Variants in ST6GALNAC5 observed in about 807,000 individuals in gnomAD.
ST6GALNAC5 encodes alpha-N-acetylgalactosaminide alpha-2,6-sialyltransferase 5.
ST6GALNAC5 carries 27 observed loss-of-function variants against 33.6 expected under a neutral mutation model. The observed-to-expected ratio is 0.80, with a 90% CI of 0.59 to 1.11. The LOEUF is 1.11. Ranked by LOEUF, ST6GALNAC5 falls within the 50% of genes least tolerant of loss-of-function variation. The pLI is 0.00. For missense variants in ST6GALNAC5, 428 were observed against 454.0 expected, an observed-to-expected ratio of 0.94 and a Z score of 0.52; for synonymous variants, 194 against 171.2, an observed-to-expected ratio of 1.13 and a Z score of -1.04.
At chr1:77,017,995 T>C (rs953376070) in intron 2 of ST6GALNAC5, among the ~76,000 whole-genome samples, 1 of 152,180 alleles carries the variant, frequency 6.6e-6, no homozygotes, top group South Asian at 2.1e-4. Flanking sequence ...GGCTCTCTTC[T>C]AACCTTAACC....
intron 2 of ST6GALNAC5, among the ~76,000 whole-genome samples, chr1:77,006,477 C>T (rs12132112): frequency 0.036 from 5,476 of 151,806 alleles, 128 homozygotes; most frequent in Non-Finnish European, 0.055. Context: ...CCACGCCTGG[C>T]TAATTTTTGT....
intron 2 of ST6GALNAC5, among the ~76,000 whole-genome samples, chr1:76,915,393 C>T (rs1170838084): frequency 4.6e-5 from 7 of 152,026 alleles, no homozygotes; most frequent in African/African-American, 9.7e-5. Context: ...CACATGCACA[C>T]GTATGTTTAT....
chr1:76,929,560 A>T (rs1471993020), intron 2 of ST6GALNAC5, among the ~76,000 whole-genome samples: 2 of 152,068 alleles, frequency 1.3e-5, no homozygotes, highest in Non-Finnish European at 2.9e-5. Context: ...AAAAAACTGC[A>T]TCTGGAGCTT....
chr1:77,015,050 A>AACACACAC lies in ST6GALNAC5; in HGVS notation c.262-29124_262-29117dup, dbSNP rs5775372. Among the ~76,000 whole-genome samples the AACACACAC allele has an allele frequency of 5.1e-3, 619 of 122,538 alleles. 4 individuals carry two copies. Among genetic ancestry groups the AACACACAC allele is most frequent in the South Asian group, 8.7e-3 (30 of 3,434 alleles). 80.4% of individuals were successfully genotyped at this position (122,538 alleles called of 152,430 possible). On this transcript the variant is annotated intron_variant, in intron 2 of 4. Coordinates refer to ENST00000477717, the MANE Select transcript of ST6GALNAC5 (RefSeq NM_030965.3). ...AGAAACAATAGGACACTCGCACACA[A>AACACACAC]ACACACACACACACACACACACACA...
intron 2 of ST6GALNAC5, among the ~76,000 whole-genome samples, chr1:76,904,048 G>C (rs141701218): frequency 2.3e-4 from 35 of 152,266 alleles, no homozygotes; most frequent in Non-Finnish European, 3.4e-4. Flanking sequence ...ACATAGCTGT[G>C]AATTTTATCT....
chr1:77,031,778 A>T (rs1651465438), intron 2 of ST6GALNAC5, among the ~76,000 whole-genome samples: 2 of 152,222 alleles, frequency 1.3e-5, no homozygotes, highest in African/African-American at 4.8e-5. Flanking sequence ...CAGCAAATAT[A>T]TAGTGAGTAC....
At chr1:77,051,875 T>A (rs1441700545) in intron 4 of ST6GALNAC5, among the ~76,000 whole-genome samples, 1 of 152,124 alleles carries the variant, frequency 6.6e-6, no homozygotes, top group Non-Finnish European at 1.5e-5. Context: ...GCCATTAGGA[T>A]GCCAGAAAGA....
intron 2 of ST6GALNAC5, among the ~76,000 whole-genome samples, chr1:76,887,269 G>T (rs997465633): frequency 6.6e-6 from 1 of 152,194 alleles, no homozygotes; most frequent in Non-Finnish European, 1.5e-5. Flanking sequence ...GAGGGGAAGT[G>T]TTCCCATACT....
At chr1:76,935,005 G>A (rs1647186545) in intron 2 of ST6GALNAC5, among the ~76,000 whole-genome samples, 2 of 151,902 alleles carry the variant, frequency 1.3e-5, no homozygotes, top group South Asian at 4.2e-4. Context: ...TTAATTACTG[G>A]TTTAATAGAA....
At chr1:77,056,056 T>C (rs1652386513) in intron 4 of ST6GALNAC5, among the ~76,000 whole-genome samples, 1 of 152,202 alleles carries the variant, frequency 6.6e-6, no homozygotes, top group Admixed American at 6.5e-5. Flanking sequence ...CTCTGGGTAC[T>C]CAAAGAGGGG....
intron 2 of ST6GALNAC5, among the ~76,000 whole-genome samples, chr1:76,912,368 G>T (rs201248303): frequency 6.6e-6 from 1 of 152,144 alleles, no homozygotes; most frequent in African/African-American, 2.4e-5. Flanking sequence ...TTTGGAATAG[G>T]TATGGTGTGG....
intron 2 of ST6GALNAC5, among the ~76,000 whole-genome samples, chr1:76,954,429 A>G (rs1213611676): frequency 6.6e-6 from 1 of 152,086 alleles, no homozygotes; most frequent in Admixed American, 6.6e-5. Flanking sequence ...TTGATGCTGG[A>G]CTTAATGCCA....
chr1:76,963,905 C>T (rs181571778), intron 2 of ST6GALNAC5, among the ~76,000 whole-genome samples: 8 of 152,168 alleles, frequency 5.3e-5, no homozygotes, highest in African/African-American at 1.7e-4. Flanking sequence ...AAGGGGAGAA[C>T]CTTTTCCCAC....
intron 2 of ST6GALNAC5, among the ~76,000 whole-genome samples, chr1:76,944,447 G>C (rs184321420): frequency 6.6e-6 from 1 of 152,038 alleles, no homozygotes; most frequent in Non-Finnish European, 1.5e-5. Context: ...AGAATAAATT[G>C]GATGGCCCCC....
At chr1:77,042,182 A>T (rs957122998) in intron 2 of ST6GALNAC5, among the ~76,000 whole-genome samples, 5 of 152,242 alleles carry the variant, frequency 3.3e-5, no homozygotes, top group African/African-American at 9.6e-5. Flanking sequence ...AATTATATTT[A>T]TAAAAAATCA....
intron 2 of ST6GALNAC5, among the ~76,000 whole-genome samples, chr1:76,964,712 A>G (rs1648386215): frequency 6.6e-6 from 1 of 151,994 alleles, no homozygotes; most frequent in Non-Finnish European, 1.5e-5. Context: ...GCACCCATTA[A>G]CTCGTCATTT....
intron 2 of ST6GALNAC5, among the ~76,000 whole-genome samples, chr1:76,934,069 T>C (rs1012889457): frequency 1.3e-5 from 2 of 152,018 alleles, no homozygotes; most frequent in African/African-American, 4.8e-5. Flanking sequence ...TTTAACTACA[T>C]TTAGAGTCTG....
chr1:76,948,569 G>T (rs1243499626), intron 2 of ST6GALNAC5, among the ~76,000 whole-genome samples: 1 of 146,006 alleles, frequency 6.8e-6, no homozygotes, highest in East Asian at 2.1e-4. Context: ...GAGAGAGAGA[G>T]AGGTATGGGA....
intron 2 of ST6GALNAC5, among the ~76,000 whole-genome samples, chr1:76,872,821 A>C (rs555833328): frequency 1.2e-4 from 19 of 152,352 alleles, no homozygotes; most frequent in African/African-American, 4.6e-4. Flanking sequence ...AGGTATTATA[A>C]GATGTAATCT....
Sources: gnomAD v4.1 joint callset for allele counts (sites outside exome capture counted in the v4.1 genomes callset) on GRCh38, gnomAD v4.1.1 for gene constraint, MANE v1.5 for transcripts, NCBI Gene and HGNC (gene_info 2026-07-23, HGNC 2026-07-21) for gene names.